NUDC: variants seen among roughly 807,000 people sequenced by gnomAD.
NUDC encodes nuclear migration protein nudC.
A neutral mutation model predicts 45.0 loss-of-function variants in NUDC; 14 were observed. The ratio of observed to expected loss-of-function variants is 0.31; its 90% confidence interval spans 0.21 to 0.49. The LOEUF is 0.49. NUDC is among the 20% of genes least tolerant of loss of function. The pLI is 0.99. For synonymous variants in NUDC, 153 were observed against 156.7 expected, an observed-to-expected ratio of 0.98 and a Z score of 0.17; for missense variants, 323 against 426.2, an observed-to-expected ratio of 0.76 and a Z score of 2.13.
Position 26,945,593 on chromosome 1 carries a change from G to A in NUDC, c.851G>A (p.Arg284His), listed in dbSNP as rs762398184. ...SKLSDLDSET[R>H]SMVEKMMYDQ... Reference sequence around the variant, plus strand: ...CTGTCAGACCTGGACAGTGAGACTCGCAGCATGGTGGAAAAGATGATGTAT... The same window carrying A: ...CTGTCAGACCTGGACAGTGAGACTCACAGCATGGTGGAAAAGATGATGTAT... The change falls in exon 8 of 9, where the codon CGC becomes CAC. Residue 284 changes from arginine to histidine, a missense_variant. Arg to His is a conservative substitution (Grantham distance 29). Coordinates refer to ENST00000321265, the MANE Select transcript of NUDC (RefSeq NM_006600.4). 4 of 1,614,122 alleles carry A rather than the reference G, an allele frequency of 2.5e-6. No homozygotes were observed. Among genetic ancestry groups the A allele is most frequent in the South Asian group, 1.1e-5 (1 of 91,080 alleles).
chr1:26,903,854 C>CA (rs2081990840), intron 2 of NUDC, among the ~76,000 whole-genome samples: 1 of 151,206 alleles, frequency 6.6e-6, no homozygotes, highest in South Asian at 2.1e-4. Flanking sequence ...ACTAAAAATA[C>CA]AAAAAAATTA....
intron 2 of NUDC, among the ~76,000 whole-genome samples, chr1:26,936,491 A>G (rs1312505662): frequency 3.3e-5 from 5 of 151,092 alleles, no homozygotes; most frequent in African/African-American, 4.9e-5. Flanking sequence ...AGCCCAGCCT[A>G]ATTTTTGTAT....
At chr1:26,907,269 A>G (rs1370035318) in intron 2 of NUDC, among the ~76,000 whole-genome samples, 1 of 152,080 alleles carries the variant, frequency 6.6e-6, no homozygotes, top group Admixed American at 6.6e-5. Context: ...TGGGTAAAGC[A>G]TTTTTCCCAC....
chr1:26,913,384 C>T, intron 3 of NUDC: 7 of 1,612,292 alleles, frequency 4.3e-6, no homozygotes, highest in South Asian at 3.3e-5. Flanking sequence ...CCTTGCCCCC[C>T]ACCCAGGAGT....
intron 2 of NUDC, among the ~76,000 whole-genome samples, chr1:26,904,759 C>G (rs552798660): frequency 1.3e-5 from 2 of 152,270 alleles, no homozygotes; most frequent in Admixed American, 1.3e-4. Context: ...CTCCAACCCC[C>G]CTTAGCTCTT....
chr1:26,941,338 C>A, intron 2 of NUDC, 119 bp from the exon 3 acceptor site: 1 of 982,282 alleles, frequency 1.0e-6, no homozygotes, highest in Non-Finnish European at 1.6e-6. Context: ...ATGAGGAAAC[C>A]GAGTTTCTGG....
At chr1:26,913,709 G>A in intron 3 of NUDC, 1 of 1,609,424 alleles carries the variant, frequency 6.2e-7, no homozygotes, top group East Asian at 2.2e-5. Flanking sequence ...GGAGGCAGCT[G>A]CCAGAAGGAT....
rs528612737 is a variant in NUDC, at chr1:26,926,046, C to T, written c.159+1880C>T. On this transcript the variant is annotated intron_variant, in intron 2 of 8. Transcript: ENST00000321265. ...CTTTTTTTTTTTTGAGACGGAGTCC[C>T]GCTCTTTTTATCCAGGCTGGAGTGC... 4.6e-5 allele frequency among the ~76,000 whole-genome samples: 7 copies of T among 151,448 alleles called. No individual in the cohort carries two copies. The East Asian group carries it at 1.2e-3, about 25-fold the overall frequency.
chr1:26,945,558 C>T lies in NUDC; in HGVS notation c.826-10C>T. On this transcript the variant is annotated splice_polypyrimidine_tract_variant and intron_variant, in intron 7 of 8. Transcript: ENST00000321265. ...GAGCTTCACCGATTCCTGTCACTGC[C>T]TGCCCTCAGCTGTCAGACCTGGACA... The T allele has an allele frequency of 6.2e-7, 1 of 1,613,142 alleles. No individual in the cohort carries two copies. The highest frequency in any genetic ancestry group is 8.5e-7 in the Non-Finnish European group (1 of 1,179,070).
intron 2 of NUDC, among the ~76,000 whole-genome samples, chr1:26,907,463 A>C (rs1557664877): frequency 6.6e-6 from 1 of 152,208 alleles, no homozygotes; most frequent in Non-Finnish European, 1.5e-5. Flanking sequence ...GGGTTGGTAC[A>C]AATGGAGGTT....
At chr1:26,942,270 G>A (rs1211748577) in intron 4 of NUDC, among the ~76,000 whole-genome samples, 4 of 152,106 alleles carry the variant, frequency 2.6e-5, no homozygotes, top group African/African-American at 4.8e-5. Flanking sequence ...CAGCCTGGGC[G>A]ACAGAGCAAG....
intron 1 of NUDC, chr1:26,922,319 C>G (rs11807787): frequency 0.014 from 4,187 of 308,968 alleles, 182 homozygotes; most frequent in African/African-American, 0.086. Flanking sequence ...GGTAGGGGAG[C>G]GGGCTGATGT....
chr1:26,924,119 C>A lies in NUDC; in HGVS notation c.112C>A (p.Arg38Ser). The A allele has an allele frequency of 6.2e-7, 1 of 1,614,080 alleles. No homozygotes were observed. The highest frequency in any genetic ancestry group is 8.5e-7 in the Non-Finnish European group (1 of 1,179,970). Residue 38 changes from arginine (R) to serine (S), a missense_variant, in exon 2 of 9, where the codon CGC becomes AGC. Arg to Ser is a moderately radical substitution (Grantham distance 110, BLOSUM62 -1). Transcript: ENST00000321265. Reference protein sequence around the residue: ...LVNTFFSFLRRKTDFFIGGEE... With the variant: ...LVNTFFSFLRSKTDFFIGGEE... ...GAACACCTTCTTCAGCTTCCTTCGA[C>A]GCAAAACAGACTTTTTCATTGGAGG...
chr1:26,918,338 A>G (rs1462179031), upstream of NUDC, among the ~76,000 whole-genome samples: 5 of 149,224 alleles, frequency 3.4e-5, no homozygotes, highest in East Asian at 7.8e-4. Flanking sequence ...CAGAGGCCCA[A>G]TCTCGGCTCA....
intron 2 of NUDC, among the ~76,000 whole-genome samples, chr1:26,932,410 A>G (rs1365391229): frequency 2.0e-5 from 3 of 151,672 alleles, no homozygotes; most frequent in African/African-American, 7.3e-5. Context: ...TGAACTCCTG[A>G]CCGCATGATC....
At chr1:26,936,171 T>A (rs1356719771) in intron 2 of NUDC, among the ~76,000 whole-genome samples, 692 of 3,942 alleles carry the variant, frequency 0.18, no homozygotes, top group East Asian at 0.21. Context: ...ATATATTTTT[T>A]TTTTTTTTTT....
chr1:26,916,866 G>GA (rs2082064289), upstream of NUDC, among the ~76,000 whole-genome samples: 1 of 152,178 alleles, frequency 6.6e-6, no homozygotes, highest in Non-Finnish European at 1.5e-5. Context: ...AAGGTGGGAG[G>GA]ATTGCTTGAA....
At chr1:26,936,687 T>G (rs1215071950) in intron 2 of NUDC, among the ~76,000 whole-genome samples, 1 of 152,144 alleles carries the variant, frequency 6.6e-6, no homozygotes, top group Non-Finnish European at 1.5e-5. Flanking sequence ...AAGAGACCTC[T>G]TTTTTCCTTG....
chr1:26,911,815 C>T, intron 3 of NUDC: 3 of 1,613,992 alleles, frequency 1.9e-6, no homozygotes, highest in Non-Finnish European at 2.5e-6. Flanking sequence ...CAGCCTCTGC[C>T]CACCTGATCT....
Sources: gnomAD v4.1 joint callset for allele counts (sites outside exome capture counted in the v4.1 genomes callset) on GRCh38, gnomAD v4.1.1 for gene constraint, MANE v1.5 for transcripts, NCBI Gene and HGNC (gene_info 2026-07-23, HGNC 2026-07-21) for gene names.